DLG2: variants seen among roughly 807,000 people sequenced by gnomAD.
DLG2 encodes the protein discs large MAGUK scaffold protein 2.
In DLG2, 45 loss-of-function variants were observed where a neutral mutation model predicts 132.5. The ratio of observed to expected loss-of-function variants is 0.34; its 90% CI spans 0.27 to 0.44. The LOEUF is 0.44. DLG2 is among the 20% of genes least tolerant of loss of function. The pLI is 1.00. For missense variants in DLG2, 1,045 were observed against 1,196.9 expected (o/e 0.87, Z 1.87); for synonymous variants, 424 against 419.6 (o/e 1.01, Z -0.13).
chr11:85,603,402 T>C lies in DLG2; in HGVS notation c.-92-4614A>G, dbSNP rs189037401. On this transcript the variant is annotated intron_variant, in intron 2 of 27. Coordinates refer to ENST00000376104, the MANE Select transcript of DLG2 (RefSeq NM_001142699.3). ...ATACCTCTCTCTCTACTTATATGTA[T>C]CTGTGGGCTCTAATCACGTGATTAC... Among the ~76,000 whole-genome samples, 10 of 152,280 alleles carry C rather than the reference T, an allele frequency of 6.6e-5. No individual in the cohort carries two copies. The East Asian group carries it at 1.9e-3, about 29-fold the overall frequency.
chr11:84,717,778 G>A (rs997694772), intron 6 of DLG2, among the ~76,000 whole-genome samples: 3 of 151,930 alleles, frequency 2.0e-5, no homozygotes, highest in African/African-American at 4.8e-5. Context: ...AATAATTAAG[G>A]CCATATAAGC....
intron 5 of DLG2, among the ~76,000 whole-genome samples, chr11:85,117,659 T>TAA (rs553981610): frequency 6.5e-5 from 8 of 123,988 alleles, no homozygotes; most frequent in African/African-American, 2.1e-4. Flanking sequence ...AAAAAACTAG[T>TAA]AAAAAAAAAA....
intron 6 of DLG2, among the ~76,000 whole-genome samples, chr11:84,909,505 A>G (rs1242880129): frequency 6.6e-6 from 1 of 152,194 alleles, no homozygotes; most frequent in Non-Finnish European, 1.5e-5. Flanking sequence ...GGTTTTAATC[A>G]TGATTAAAAT....
intron 3 of DLG2, among the ~76,000 whole-genome samples, chr11:85,489,069 T>C (rs2093498136): frequency 6.6e-6 from 1 of 152,148 alleles, no homozygotes; most frequent in Admixed American, 6.5e-5. Context: ...GAAAAGCTCA[T>C]ATATCAGTAT....
At chr11:85,104,282 C>A (rs1049067040) in intron 6 of DLG2, among the ~76,000 whole-genome samples, 1 of 151,850 alleles carries the variant, frequency 6.6e-6, no homozygotes, top group Non-Finnish European at 1.5e-5. Context: ...TAGCATTATT[C>A]ATAACATCAA....
intron 3 of DLG2, among the ~76,000 whole-genome samples, chr11:85,384,138 A>G (rs1423019648): frequency 6.6e-6 from 1 of 152,192 alleles, no homozygotes. Context: ...AATACATATG[A>G]AAGTCCAACA....
intron 16 of DLG2, among the ~76,000 whole-genome samples, chr11:83,845,798 C>T (rs1053351815): frequency 1.3e-5 from 2 of 152,204 alleles, no homozygotes; most frequent in Admixed American, 1.3e-4. Flanking sequence ...ATAATCCTAC[C>T]AATAAATACT....
intron 6 of DLG2, among the ~76,000 whole-genome samples, chr11:84,885,388 G>A (rs2088087541): frequency 6.6e-6 from 1 of 152,018 alleles, no homozygotes; most frequent in African/African-American, 2.4e-5. Flanking sequence ...AGGATAGATT[G>A]CAGTGGCATA....
At chr11:84,631,016 T>TCACA (rs1465732821) in intron 6 of DLG2, among the ~76,000 whole-genome samples, 24 of 122,554 alleles carry the variant, frequency 2.0e-4, no homozygotes, top group African/African-American at 8.3e-4. Flanking sequence ...TCTCTCTCTC[T>TCACA]CTCACACACA....
At chr11:85,436,543 A>G (rs1330426388) in intron 3 of DLG2, among the ~76,000 whole-genome samples, 5 of 152,256 alleles carry the variant, frequency 3.3e-5, no homozygotes, top group African/African-American at 1.2e-4. Flanking sequence ...AATGCAGCCA[A>G]CAAACATGAA....
chr11:85,626,589 T>C lies in DLG2; in HGVS notation c.-95A>G, dbSNP rs1480725204. The C allele has an allele frequency of 1.3e-5, 2 of 152,170 alleles. No individual in the cohort carries two copies. Among genetic ancestry groups the C allele is most frequent in the African/African-American group, 4.8e-5 (2 of 41,440 alleles). 9.4% of individuals were successfully genotyped at this position (152,170 alleles called of 1,614,324 possible). On this transcript the variant is annotated splice_region_variant and 5_prime_UTR_variant, in exon 2 of 28. The change creates a new upstream start codon in the 5' untranslated region. Transcript: ENST00000376104. ...AGGGAGAAATATTATATAGCAACCT[T>C]ATGGCCCACCTGTCTTCTTGACTGG...
At chr11:83,882,201 G>T (rs1447482848) in intron 15 of DLG2, among the ~76,000 whole-genome samples, 1 of 151,996 alleles carries the variant, frequency 6.6e-6, no homozygotes, top group Non-Finnish European at 1.5e-5. Flanking sequence ...TTAGACATTG[G>T]AAATAACACC....
intron 3 of DLG2, among the ~76,000 whole-genome samples, chr11:85,346,848 C>T (rs1004746832): frequency 2.6e-5 from 4 of 151,716 alleles, no homozygotes; most frequent in Non-Finnish European, 5.9e-5. Flanking sequence ...AGGTGGGAGG[C>T]GGGAAGTAGT....
In DLG2 at chr11:84,840,206, A is replaced by C. The variant is rs905014886; in HGVS notation, c.357+271455T>G. ...ATATGAACAGGTGCTTCTCAAAAGAAGACGTTTATGCAGCCAACAGACACA... is the reference window on the plus strand; with the variant it reads ...ATATGAACAGGTGCTTCTCAAAAGACGACGTTTATGCAGCCAACAGACACA... On this transcript the variant is annotated intron_variant, in intron 6 of 27. Transcript: ENST00000376104. Among the ~76,000 whole-genome samples the C allele has an allele frequency of 4.6e-5, 7 of 152,214 alleles. No homozygotes were observed. In the South Asian group the frequency reaches 8.3e-4, roughly 18 times the overall value.
intron 5 of DLG2, among the ~76,000 whole-genome samples, chr11:85,122,973 T>TATATATATATATATA (rs61296374): frequency 1.1e-4 from 5 of 47,184 alleles, no homozygotes; most frequent in East Asian, 8.0e-4. Flanking sequence ...ATATATATTT[T>TATATATATATATATA]TTTTTTTTTT....
chr11:84,487,217 G>A lies in DLG2; in HGVS notation c.519+47353C>T, dbSNP rs148089371. On this transcript the variant is annotated intron_variant, in intron 7 of 27. Transcript: ENST00000376104. The stretch of plus-strand genomic sequence containing the variant: ...TCTGAAAGTTATAATTTGTTTACTT[G>A]GTTCTAAATATATGAGTACCGATGA... 2.7e-3 allele frequency among the ~76,000 whole-genome samples: 412 copies of A among 152,016 alleles called. 2 individuals are homozygous for A. The highest frequency in any genetic ancestry group is 8.7e-3 in the African/African-American group (362 of 41,490).
chr11:85,611,445 T>C (rs111570841), intron 2 of DLG2, among the ~76,000 whole-genome samples: 5 of 152,342 alleles, frequency 3.3e-5, no homozygotes, highest in South Asian at 2.1e-4. Flanking sequence ...CCAATCAGCA[T>C]GACTGCCAAA....
chr11:84,071,897 C>A (rs1398172434), intron 10 of DLG2, among the ~76,000 whole-genome samples: 1 of 152,138 alleles, frequency 6.6e-6, no homozygotes, highest in African/African-American at 2.4e-5. Flanking sequence ...AGAATCAGAG[C>A]CGAGCCTGCT....
chr11:84,105,519 T>A (rs757664333), intron 9 of DLG2, among the ~76,000 whole-genome samples: 1 of 152,154 alleles, frequency 6.6e-6, no homozygotes, highest in Non-Finnish European at 1.5e-5. Context: ...AGAACAGATG[T>A]CAAACAATGT....
Sources: gnomAD v4.1 joint callset for allele counts (sites outside exome capture counted in the v4.1 genomes callset) on GRCh38, gnomAD v4.1.1 for gene constraint, MANE v1.5 for transcripts, NCBI Gene and HGNC (gene_info 2026-07-23, HGNC 2026-07-21) for gene names.